ABLIM2: variants seen among roughly 807,000 people sequenced by gnomAD.
The protein encoded by ABLIM2 is actin-binding LIM protein 2.
A neutral mutation model predicts 97.7 loss-of-function variants in ABLIM2; 53 were observed. The ratio of observed to expected loss-of-function variants is 0.54; its 90% CI spans 0.44 to 0.68. The LOEUF is 0.68. Ranked by LOEUF, ABLIM2 falls within the 30% of genes least tolerant of loss-of-function variation. The pLI, the probability that ABLIM2 is intolerant of heterozygous loss-of-function variation, is 0.00. For synonymous variants in ABLIM2, 361 were observed against 345.8 expected (o/e 1.04, Z -0.49); for missense variants, 835 against 867.2 (o/e 0.96, Z 0.47).
chr4:8,044,691 CGAA>C lies in ABLIM2; in HGVS notation c.900+470_900+472del, dbSNP rs1553998647. 0.055 allele frequency among the ~76,000 whole-genome samples: 4,067 copies of C among 73,568 alleles called. 155 individuals are homozygous for C. Among genetic ancestry groups the C allele is most frequent in the African/African-American group, 0.19 (3,528 of 18,410 alleles). The allele number at this position is 73,568 out of a possible 152,430, so 48.3% of individuals were successfully genotyped here. On this transcript the variant is annotated intron_variant, in intron 9 of 20. Coordinates refer to ENST00000447017, the MANE Select transcript of ABLIM2 (RefSeq NM_001130083.2). The surrounding 1 kb of genome is among the most constrained non-coding windows in gnomAD (Gnocchi z 4.4). ...AGAGTCTCTCTCTCTCTCTCTCTCT[CGAA>C]CGAACGAAAACGGGATCACATAATT... is the stretch of plus-strand genomic sequence containing the variant.
intron 6 of ABLIM2, among the ~76,000 whole-genome samples, chr4:8,074,674 C>T (rs1814734716): frequency 6.6e-6 from 1 of 150,992 alleles, no homozygotes; most frequent in Non-Finnish European, 1.5e-5. Context: ...GAAATGCAAA[C>T]AAAGCATTAT....
rs375187609 is a variant in ABLIM2 at position 8,065,792 on chromosome 4, C to T, written c.676-4738G>A. On this transcript the variant is annotated intron_variant, in intron 6 of 20. Transcript: ENST00000447017. ...TACAAAAATTAGCTAGGCTTGGTGG[C>T]GGGTGCCTGTAATCCCAGCTACTCA... is the stretch of plus-strand genomic sequence containing the variant. Among the ~76,000 whole-genome samples the T allele has an allele frequency of 7.2e-5, 11 of 152,024 alleles. No homozygotes were observed. The East Asian group carries it at 9.7e-4, about 13-fold the overall frequency.
intron 17 of ABLIM2, among the ~76,000 whole-genome samples, chr4:7,987,814 TG>T (rs1745601445): frequency 6.6e-6 from 1 of 151,978 alleles, no homozygotes; most frequent in African/African-American, 2.4e-5. Flanking sequence ...AAGTGCGAAG[TG>T]GGGATGGGGT....
Position 8,140,015 on chromosome 4 carries a change from C to T in ABLIM2, c.10+18665G>A, listed in dbSNP as rs1271004857. On this transcript the variant is annotated intron_variant, in intron 1 of 20. Coordinates refer to ENST00000447017, the MANE Select transcript of ABLIM2 (RefSeq NM_001130083.2). The surrounding 1 kb of genome is among the most constrained non-coding windows in gnomAD (Gnocchi z 5.9). Reference sequence around the variant, plus strand: ...ACTAACACAGGAACAGAAAACCAAACACTACATGTTCTCACTTACAAGTGG... The same window carrying T: ...ACTAACACAGGAACAGAAAACCAAATACTACATGTTCTCACTTACAAGTGG... Among the ~76,000 whole-genome samples, 1 of 149,232 alleles carries T rather than the reference C, an allele frequency of 6.7e-6. No individual in the cohort carries two copies. Among genetic ancestry groups the T allele is most frequent in the East Asian group, 2.0e-4 (1 of 5,036 alleles).
chr4:7,973,321 C>T (rs1729815642), intron 20 of ABLIM2, among the ~76,000 whole-genome samples: 1 of 151,214 alleles, frequency 6.6e-6, no homozygotes, highest in Non-Finnish European at 1.5e-5. Flanking sequence ...GCCAACATGG[C>T]AAAACCCCGT....
intron 17 of ABLIM2, 39 bp from the exon 18 acceptor site, chr4:7,984,932 G>C: frequency 6.3e-7 from 1 of 1,595,510 alleles, no homozygotes; most frequent in Non-Finnish European, 8.5e-7. Context: ...AGAGACAGGC[G>C]GCACGAGGGT....
chr4:8,030,756 G>A (rs950093215), intron 10 of ABLIM2, among the ~76,000 whole-genome samples: 20 of 152,366 alleles, frequency 1.3e-4, no homozygotes, highest in African/African-American at 4.3e-4. Context: ...CCACCTTACA[G>A]GTGTCCTGGC....
chr4:8,088,631 T>C (rs1451022823), intron 3 of ABLIM2, among the ~76,000 whole-genome samples: 1 of 152,196 alleles, frequency 6.6e-6, no homozygotes, highest in Non-Finnish European at 1.5e-5. Context: ...CCACCCTGCC[T>C]TCCCAGTCAC....
rs541141855 is a variant in ABLIM2, at chr4:8,130,002, G to A, written c.11-23365C>T. On this transcript the variant is annotated intron_variant, in intron 1 of 20. Transcript: ENST00000447017. This position sits in a 1 kb window ranked among gnomAD's most constrained non-coding sequence, Gnocchi z 4.2. ...GCTTCTGCTAGTCAGCACAGCTGGT[G>A]CCCTGCGGGCTCCCAGCACTCAGCA... Among the ~76,000 whole-genome samples the A allele has an allele frequency of 1.9e-4, 29 of 152,350 alleles. No homozygotes were observed. The highest frequency in any genetic ancestry group is 3.5e-4 in the Non-Finnish European group (24 of 68,028).
intron 5 of ABLIM2, among the ~76,000 whole-genome samples, chr4:8,079,739 T>G (rs145923151): frequency 1.2e-3 from 184 of 151,916 alleles, no homozygotes; most frequent in African/African-American, 4.0e-3. Flanking sequence ...TGTGCTCGAA[T>G]GTGCATGCAT....
intron 1 of ABLIM2, among the ~76,000 whole-genome samples, chr4:8,141,164 G>A (rs542258011): frequency 2.0e-5 from 3 of 152,012 alleles, no homozygotes; most frequent in Admixed American, 1.3e-4. Flanking sequence ...GTCTCTTCCC[G>A]GCCATGTGAC....
Position 8,128,591 on chromosome 4 carries a change from C to T in ABLIM2, c.11-21954G>A, listed in dbSNP as rs774315426. Among the ~76,000 whole-genome samples the T allele has an allele frequency of 3.3e-5, 5 of 152,262 alleles. No individual in the cohort carries two copies. Among genetic ancestry groups the T allele is most frequent in the Admixed American group, 6.5e-5 (1 of 15,292 alleles). ...GCACTAAACCTCCAGTGACCTTGCA[C>T]AGCAGGTCTCCTTGCCCTGGCTCTA... On this transcript the variant is annotated intron_variant, in intron 1 of 20. Transcript: ENST00000447017. The surrounding 1 kb of genome is among the most constrained non-coding windows in gnomAD (Gnocchi z 4.9).
At chr4:8,017,032 A>G (rs1164171325) in intron 14 of ABLIM2, among the ~76,000 whole-genome samples, 1 of 152,168 alleles carries the variant, frequency 6.6e-6, no homozygotes, top group East Asian at 1.9e-4. Context: ...AACACTCCTA[A>G]AAGTAACTGG....
intron 7 of ABLIM2, among the ~76,000 whole-genome samples, chr4:8,056,931 CAAAAAAAA>C (rs10584281): frequency 9.3e-5 from 4 of 43,104 alleles, no homozygotes; most frequent in Admixed American, 7.6e-4. Context: ...AACTCCGTCT[CAAAAAAAA>C]AAAAAAAAAA....
intron 1 of ABLIM2, among the ~76,000 whole-genome samples, chr4:8,129,996 G>C (rs1335321309): frequency 1.3e-5 from 2 of 152,230 alleles, no homozygotes; most frequent in Non-Finnish European, 2.9e-5. Flanking sequence ...AGTCAGCACA[G>C]CTGGTGCCCT....
intron 1 of ABLIM2, among the ~76,000 whole-genome samples, chr4:8,156,524 A>G (rs1359130359): frequency 6.6e-6 from 1 of 152,256 alleles, no homozygotes; most frequent in African/African-American, 2.4e-5. Context: ...CACCTGGGTC[A>G]TCCTGGAGGT....
intron 12 of ABLIM2, among the ~76,000 whole-genome samples, chr4:8,025,172 C>T (rs1001370950): frequency 7.9e-5 from 12 of 152,216 alleles, no homozygotes; most frequent in Admixed American, 3.3e-4. Context: ...AGGTGATCCG[C>T]CCACCTTGGC....
intron 14 of ABLIM2, among the ~76,000 whole-genome samples, chr4:8,016,788 C>T (rs1769618933): frequency 6.6e-6 from 1 of 152,184 alleles, no homozygotes. Flanking sequence ...CCAGTGTTGG[C>T]GTCTCTACCA....
At chr4:8,070,027 T>A (rs902568567) in intron 6 of ABLIM2, among the ~76,000 whole-genome samples, 1 of 152,126 alleles carries the variant, frequency 6.6e-6, no homozygotes, top group African/African-American at 2.4e-5. Flanking sequence ...TTTGTGTGTG[T>A]CTATGTGCTT....
Sources: gnomAD v4.1 joint callset for allele counts (sites outside exome capture counted in the v4.1 genomes callset) on GRCh38, gnomAD v4.1.1 for gene constraint, Gnocchi (gnomAD v3.1) non-coding constraint, MANE v1.5 for transcripts, NCBI Gene and HGNC (gene_info 2026-07-23, HGNC 2026-07-21) for gene names.